The following DOCK9 variants were observed in gnomAD, a reference collection of about 807,000 sequenced individuals.
DOCK9 encodes the protein dedicator of cytokinesis 9.
In DOCK9, 89 loss-of-function variants were observed where a neutral mutation model predicts 263.3. The observed-to-expected ratio is 0.34, with a 90% CI of 0.28 to 0.40. DOCK9 has a LOEUF of 0.40. Among genes scored for constraint, DOCK9 ranks in the 10% least tolerant of loss-of-function variants. The pLI is 1.00. For synonymous variants in DOCK9, 976 were observed against 973.1 expected (o/e 1.00, Z -0.06); for missense variants, 2,140 against 2,603.4 (o/e 0.82, Z 3.87).
At chr13:99,071,708 C>T (rs150982988) in intron 1 of DOCK9, among the ~76,000 whole-genome samples, 131 of 152,076 alleles carry the variant, frequency 8.6e-4, no homozygotes, top group Middle Eastern at 3.4e-3. Context: ...TTCTGGCTCG[C>T]TTTTTAGTTT....
chr13:98,990,795 A>G (rs2141703438), intron 1 of DOCK9, among the ~76,000 whole-genome samples: 1 of 152,340 alleles, frequency 6.6e-6, no homozygotes, highest in East Asian at 1.9e-4. Flanking sequence ...TAATTTTGTC[A>G]TACTGTATGC....
At chr13:98,846,799 G>A (rs1389756842) in intron 37 of DOCK9, 2 of 355,478 alleles carry the variant, frequency 5.6e-6, no homozygotes, top group Non-Finnish European at 5.5e-6. Flanking sequence ...CAATAAGAAG[G>A]CACAGTGTTC....
intron 1 of DOCK9, among the ~76,000 whole-genome samples, chr13:98,969,394 T>C (rs1172873870): frequency 1.3e-5 from 2 of 152,138 alleles, no homozygotes; most frequent in Non-Finnish European, 2.9e-5. Context: ...CTGCAGGCCC[T>C]TTCGCAACCT....
At chr13:98,938,002 C>A (rs186190284) in intron 2 of DOCK9, among the ~76,000 whole-genome samples, 239 of 152,272 alleles carry the variant, frequency 1.6e-3, no homozygotes, top group African/African-American at 5.6e-3. Context: ...TCACCTGGGC[C>A]GACCCCTGGG....
At chr13:99,033,543 G>A (rs190884798) in intron 1 of DOCK9, among the ~76,000 whole-genome samples, 7 of 152,292 alleles carry the variant, frequency 4.6e-5, no homozygotes, top group Admixed American at 1.3e-4. Flanking sequence ...CACTGTCAGC[G>A]AGTGCAGTTT....
intron 48 of DOCK9, 89 bp from the exon 49 acceptor site, chr13:98,805,298 T>A (rs7990741): frequency 0.41 from 463,232 of 1,122,968 alleles, 99,754 homozygotes; most frequent in East Asian, 0.6. Context: ...ACATTTTATT[T>A]GTAAATATAA....
At chr13:98,801,668 C>T (rs2139985250) in intron 49 of DOCK9, among the ~76,000 whole-genome samples, 1 of 152,208 alleles carries the variant, frequency 6.6e-6, no homozygotes, top group Non-Finnish European at 1.5e-5. Flanking sequence ...TACTAATAGG[C>T]AGGTAGATAT....
At chr13:99,032,352 T>C (rs1246444953) in intron 1 of DOCK9, among the ~76,000 whole-genome samples, 1 of 152,012 alleles carries the variant, frequency 6.6e-6, no homozygotes, top group South Asian at 2.1e-4. Context: ...GGCGTGTGCC[T>C]GTAGTCCCAG....
At chr13:98,985,944 T>C (rs1878356968) in intron 1 of DOCK9, among the ~76,000 whole-genome samples, 1 of 152,120 alleles carries the variant, frequency 6.6e-6, no homozygotes, top group South Asian at 2.1e-4. Flanking sequence ...ATCACAGGAG[T>C]TCACAAGCTA....
rs188785632 is a variant in DOCK9 at position 99,009,615 on chromosome 13, T to C, written c.130-54064A>G. 9.6e-4 allele frequency among the ~76,000 whole-genome samples: 146 copies of C among 152,188 alleles called. 3 individuals carry two copies. The highest frequency in any genetic ancestry group is 1.4e-3 in the Non-Finnish European group (98 of 67,988). ...CAGGTATTATTATTCCATTTTCACA[T>C]ACCTTGTCACTGATTATTCACTTAC... On this transcript the variant is annotated intron_variant, in intron 1 of 32. Transcript: ENST00000427887.
chr13:98,808,502 AAG>A (rs1208881209), intron 47 of DOCK9: 2 of 664,378 alleles, frequency 3.0e-6, no homozygotes, highest in Non-Finnish European at 5.3e-6. Flanking sequence ...CACGTAAATT[AAG>A]AGAGAGAAAA....
chr13:98,850,297 G>A (rs2093525864), intron 35 of DOCK9, among the ~76,000 whole-genome samples, 184 bp from the exon 36 acceptor site: 1 of 152,096 alleles, frequency 6.6e-6, no homozygotes, highest in Admixed American at 6.5e-5. Flanking sequence ...ACACACCTGA[G>A]GCCTATTCAC....
chr13:99,080,226 T>C (rs188331525), intron 1 of DOCK9, among the ~76,000 whole-genome samples: 2 of 152,158 alleles, frequency 1.3e-5, no homozygotes, highest in African/African-American at 2.4e-5. Flanking sequence ...TAACTCACCA[T>C]ATCCGACTAC....
intron 9 of DOCK9, among the ~76,000 whole-genome samples, chr13:98,905,041 G>C (rs2048874361): frequency 6.6e-6 from 1 of 152,224 alleles, no homozygotes; most frequent in African/African-American, 2.4e-5. Context: ...TGGAATGAAG[G>C]GGCAGAATCG....
chr13:98,938,701 T>C (rs1045159567), intron 2 of DOCK9, among the ~76,000 whole-genome samples: 22 of 94,146 alleles, frequency 2.3e-4, no homozygotes, highest in Non-Finnish European at 5.1e-4. Flanking sequence ...TCTCAACTCA[T>C]GGCACTGGAT....
rs142489382 is a variant in DOCK9 at position 98,946,653 on chromosome 13, G to T, written c.243+8782C>A. ...TATCTTCGATCTCTTCTCCATGCCT[G>T]GGTTTCACCCTTCTCAGCTCATTCT... On this transcript the variant is annotated intron_variant, in intron 2 of 52. Transcript: ENST00000682017. 7.9e-4 allele frequency among the ~76,000 whole-genome samples: 121 copies of T among 152,276 alleles called. 1 individual carries two copies. Among genetic ancestry groups the T allele is most frequent in the African/African-American group, 2.8e-3 (116 of 41,566 alleles).
chr13:98,863,668 G>A lies in DOCK9; in HGVS notation c.3287-120C>T, dbSNP rs1223546092. The A allele has an allele frequency of 1.4e-5, 14 of 1,017,484 alleles. No homozygotes were observed. The Middle Eastern group carries it at 8.3e-4, about 60-fold the overall frequency. The allele number at this position is 1,017,484 out of a possible 1,614,324, so 63.0% of individuals were successfully genotyped here. On this transcript the variant is annotated intron_variant, in intron 30 of 52. Transcript: ENST00000682017. The stretch of plus-strand genomic sequence containing the variant: ...CCTCTGCATTCAGCCCACCCTGGGT[G>A]TCAAGAGATGATCAGACTTGGCTTC...
intron 1 of DOCK9, among the ~76,000 whole-genome samples, chr13:98,992,996 G>C (rs1396212561): frequency 2.0e-5 from 3 of 152,164 alleles, no homozygotes; most frequent in Admixed American, 6.5e-5. Flanking sequence ...GAAACAGCAA[G>C]ACTTTAGATG....
chr13:98,894,759 T>A (rs1008778034), intron 15 of DOCK9, among the ~76,000 whole-genome samples: 1 of 151,728 alleles, frequency 6.6e-6, no homozygotes, highest in African/African-American at 2.4e-5. Flanking sequence ...AAGATTTTTT[T>A]AAAGATTCTA....
Sources: gnomAD v4.1 joint callset for allele counts (sites outside exome capture counted in the v4.1 genomes callset) on GRCh38, gnomAD v4.1.1 for gene constraint, MANE v1.5 for transcripts, NCBI Gene and HGNC (gene_info 2026-07-23, HGNC 2026-07-21) for gene names.